Variants in GSE1 observed in about 807,000 individuals in gnomAD.
The protein encoded by GSE1 is Gse1 coiled-coil protein.
Under a neutral mutation model 112.6 loss-of-function variants are expected in GSE1, and 32 were observed. The ratio of observed to expected loss-of-function variants is 0.28; its 90% confidence interval spans 0.21 to 0.38. GSE1 has a LOEUF of 0.38. Ranked by LOEUF, GSE1 falls within the 10% of genes least tolerant of loss-of-function variation. The probability of loss-of-function intolerance (pLI) is 1.00; values close to 1 mark genes in which losing one functional copy is unlikely to be tolerated. For missense variants in GSE1, 2,348 were observed against 1,699.2 expected, an observed-to-expected ratio of 1.38 and a Z score of -6.71; for synonymous variants, 1,115 against 735.6, an observed-to-expected ratio of 1.52 and a Z score of -8.35.
At chr16:85,325,846 T>C (rs963129540) in intron 1 of GSE1, among the ~76,000 whole-genome samples, 2 of 151,510 alleles carry the variant, frequency 1.3e-5, no homozygotes, top group Non-Finnish European at 2.9e-5. Flanking sequence ...AACCTCCGCC[T>C]CCAGGGTTCA....
intron 2 of GSE1, among the ~76,000 whole-genome samples, chr16:85,461,845 A>G (rs1567505944): frequency 6.6e-6 from 1 of 151,102 alleles, no homozygotes; most frequent in Non-Finnish European, 1.5e-5. Context: ...CTCCTCCCGG[A>G]CCTTCTCCCA....
chr16:85,644,000 G>C (rs2050651127), intron 2 of GSE1, among the ~76,000 whole-genome samples: 1 of 152,172 alleles, frequency 6.6e-6, no homozygotes, highest in Non-Finnish European at 1.5e-5. Context: ...AACACCCTGG[G>C]TTTGGGCCGG....
chr16:85,671,591 T>G (rs1037467415), intron 15 of GSE1, among the ~76,000 whole-genome samples: 5 of 152,140 alleles, frequency 3.3e-5, no homozygotes, highest in South Asian at 2.1e-4. Context: ...TCCAGCCTGG[T>G]TGACAGAGCA....
chr16:85,515,126 A>G (rs566071625), intron 2 of GSE1, among the ~76,000 whole-genome samples: 9 of 152,186 alleles, frequency 5.9e-5, no homozygotes, highest in Admixed American at 2.6e-4. Flanking sequence ...CCAGGAGGCA[A>G]TCTTGCTGCT....
At chr16:85,644,268 G>GGTT (rs930565660) in intron 2 of GSE1, among the ~76,000 whole-genome samples, 59 of 152,090 alleles carry the variant, frequency 3.9e-4, no homozygotes, top group African/African-American at 1.4e-3. Context: ...GAACCCAGGA[G>GGTT]GTTGAGGCTG....
At chr16:85,352,564 T>C (rs2046871666) in intron 1 of GSE1, among the ~76,000 whole-genome samples, 2 of 152,140 alleles carry the variant, frequency 1.3e-5, no homozygotes, top group Admixed American at 1.3e-4. Flanking sequence ...CTGGCCCTGG[T>C]AGAGAAGACA....
At chr16:85,555,396 G>C (rs369205706), upstream of GSE1, 316 of 984,246 alleles carry the variant, frequency 3.2e-4, no homozygotes, top group Middle Eastern at 1.6e-3. Flanking sequence ...ACCAAAAAAG[G>C]GGGGGGAGGG....
At chr16:85,513,014 T>C (rs1376858950) in intron 2 of GSE1, among the ~76,000 whole-genome samples, 1 of 152,022 alleles carries the variant, frequency 6.6e-6, no homozygotes, top group Non-Finnish European at 1.5e-5. Flanking sequence ...CTGAAAACAG[T>C]CCTGTACGCT....
At chr16:85,391,351 C>A (rs561449985) in intron 2 of GSE1, among the ~76,000 whole-genome samples, 1 of 152,368 alleles carries the variant, frequency 6.6e-6, no homozygotes, top group South Asian at 2.1e-4. Context: ...CTTGTGATAT[C>A]TGTCCCCTGC....
At chr16:85,392,523 T>C (rs896642274) in intron 2 of GSE1, among the ~76,000 whole-genome samples, 2 of 152,196 alleles carry the variant, frequency 1.3e-5, no homozygotes, top group African/African-American at 2.4e-5. Flanking sequence ...TTGTGAGTAT[T>C]CTAAAGCCCA....
intron 1 of GSE1, among the ~76,000 whole-genome samples, chr16:85,348,806 C>T (rs929877512): frequency 3.9e-5 from 6 of 152,196 alleles, no homozygotes; most frequent in Admixed American, 3.9e-4. Context: ...AAGCCTGGGA[C>T]AGAACTGCCT....
chr16:85,467,550 TGGGTG>T (rs59543986), intron 2 of GSE1, among the ~76,000 whole-genome samples: 26,482 of 151,898 alleles, frequency 0.17, 2,682 homozygotes, highest in East Asian at 0.37. Context: ...AAGACTCAAA[TGGGTG>T]GGGTGAGAAT....
chr16:85,281,631 A>G (rs1198916120), intron 1 of GSE1, among the ~76,000 whole-genome samples: 3 of 152,186 alleles, frequency 2.0e-5, no homozygotes, highest in African/African-American at 7.2e-5. Flanking sequence ...CAGAAAGAGA[A>G]AACCCTAGAA....
chr16:85,297,171 G>A (rs114103940), intron 1 of GSE1, among the ~76,000 whole-genome samples: 193 of 152,340 alleles, frequency 1.3e-3, no homozygotes, highest in African/African-American at 4.6e-3. Flanking sequence ...GTCAGGAGAC[G>A]GCGCTTCCTC....
intron 1 of GSE1, among the ~76,000 whole-genome samples, chr16:85,581,843 C>T (rs1350241795): frequency 6.6e-6 from 1 of 152,216 alleles, no homozygotes; most frequent in Non-Finnish European, 1.5e-5. Flanking sequence ...CTGTCCCCCA[C>T]TGGCTGCATC....
chr16:85,301,288 C>A (rs763452229), intron 1 of GSE1, among the ~76,000 whole-genome samples: 5 of 152,206 alleles, frequency 3.3e-5, no homozygotes, highest in Non-Finnish European at 7.3e-5. Flanking sequence ...TGCTAAGAAC[C>A]CAGGCAGCTG....
chr16:85,435,506 G>T (rs1005724994), intron 2 of GSE1, among the ~76,000 whole-genome samples: 1 of 152,176 alleles, frequency 6.6e-6, no homozygotes, highest in African/African-American at 2.4e-5. Flanking sequence ...CCCGCAGCAG[G>T]TGCGCCCATC....
intron 1 of GSE1, among the ~76,000 whole-genome samples, chr16:85,226,970 C>T (rs1041962722): frequency 1.3e-5 from 2 of 152,104 alleles, no homozygotes; most frequent in Admixed American, 1.3e-4. Context: ...CATCCCCACA[C>T]CTAGGGCCCA....
chr16:85,668,627 G>C (rs757730967), intron 14 of GSE1, among the ~76,000 whole-genome samples: 1 of 152,186 alleles, frequency 6.6e-6, no homozygotes, highest in Non-Finnish European at 1.5e-5. Flanking sequence ...AGTCTTGCTA[G>C]GGCATCCAAG....
Sources: allele counts gnomAD v4.1 joint callset (sites outside exome capture counted in the v4.1 genomes callset), GRCh38; gene constraint gnomAD v4.1.1; transcripts MANE v1.5; gene names NCBI Gene and HGNC (gene_info 2026-07-23, HGNC 2026-07-21).